The following SCN9A variants were observed in gnomAD, a reference collection of about 807,000 sequenced individuals.
SCN9A encodes sodium voltage-gated channel alpha subunit 9.
In SCN9A, 131 loss-of-function variants were observed where a neutral mutation model predicts 187.0. That is an observed-to-expected ratio of 0.70 (90% CI 0.61 to 0.81). The LOEUF is 0.81. SCN9A is among the 30% of genes least tolerant of loss of function. SCN9A has a pLI of 0.00. For missense variants in SCN9A, 2,252 were observed against 2,396.6 expected (o/e 0.94, Z 1.26); for synonymous variants, 809 against 808.6 (o/e 1.00, Z -0.01).
intron 1 of SCN9A, among the ~76,000 whole-genome samples, chr2:166,322,368 G>A (rs1054836733): frequency 6.6e-6 from 1 of 152,124 alleles, no homozygotes; most frequent in Admixed American, 6.5e-5. Context: ...GTGGCTCACA[G>A]GTCAATAATC....
chr2:166,216,625 T>C (rs1030012668), intron 24 of SCN9A, among the ~76,000 whole-genome samples: 2 of 151,978 alleles, frequency 1.3e-5, no homozygotes, highest in African/African-American at 2.4e-5. Context: ...AAATTAATCC[T>C]ATTTAAAACA....
rs1695505736 is a variant in SCN9A, at chr2:166,240,231, C to T, written c.3628-1964G>A. Reference sequence around the variant, plus strand: ...GAAAATCTAAAAGAAGATTCTGAAACACAATAAGTATAAGCTAAATGAGAG... The same window carrying T: ...GAAAATCTAAAAGAAGATTCTGAAATACAATAAGTATAAGCTAAATGAGAG... On this transcript the variant is annotated intron_variant, in intron 19 of 26. Transcript: ENST00000642356. 3.9e-5 allele frequency among the ~76,000 whole-genome samples: 6 copies of T among 152,236 alleles called. No individual in the cohort carries two copies. The South Asian group carries it at 1.2e-3, about 32-fold the overall frequency.
chr2:166,339,252 C>A (rs1309782506), intron 1 of SCN9A, among the ~76,000 whole-genome samples: 1 of 152,074 alleles, frequency 6.6e-6, no homozygotes, highest in Non-Finnish European at 1.5e-5. Flanking sequence ...CTTCGGAAAT[C>A]AAATTTAAAA....
At chr2:166,213,504 T>C (rs1694187842) in intron 24 of SCN9A, among the ~76,000 whole-genome samples, 1 of 149,114 alleles carries the variant, frequency 6.7e-6, no homozygotes, top group Non-Finnish European at 1.5e-5. Flanking sequence ...ATGATAATGA[T>C]AGTAACTCCC....
intron 20 of SCN9A, among the ~76,000 whole-genome samples, chr2:166,237,622 T>A (rs543065307): frequency 2.0e-5 from 3 of 152,282 alleles, no homozygotes; most frequent in Admixed American, 2.0e-4. Context: ...ATTTGTATAA[T>A]GATTTTTAGA....
intron 1 of SCN9A, among the ~76,000 whole-genome samples, chr2:166,336,257 C>T (rs1025654826): frequency 1.3e-5 from 2 of 152,074 alleles, no homozygotes; most frequent in Non-Finnish European, 2.9e-5. Flanking sequence ...GCGATTTAAT[C>T]ACCAATTACT....
intron 1 of SCN9A, among the ~76,000 whole-genome samples, chr2:166,355,736 G>A (rs550901951): frequency 6.6e-6 from 1 of 151,986 alleles, no homozygotes; most frequent in Admixed American, 6.6e-5. Flanking sequence ...CCCATTGGGA[G>A]GGCAGTTTTA....
chr2:166,268,634 T>C (rs566775791), intron 17 of SCN9A, among the ~76,000 whole-genome samples: 11 of 151,914 alleles, frequency 7.2e-5, no homozygotes, highest in Non-Finnish European at 1.0e-4. Context: ...GAATTTAAAC[T>C]GGAAACATTT....
intron 1 of SCN9A, among the ~76,000 whole-genome samples, chr2:166,375,180 C>T (rs1301329639): frequency 6.6e-6 from 1 of 152,118 alleles, no homozygotes; most frequent in African/African-American, 2.4e-5. Flanking sequence ...GCAGAGCTGT[C>T]CTGTCAATTA....
chr2:166,304,191 A>T, intron 6 of SCN9A, 47 bp downstream of exon 6: 1 of 1,607,998 alleles, frequency 6.2e-7, no homozygotes, highest in Non-Finnish European at 8.5e-7. Context: ...ACTCCCAAAT[A>T]GTTGGAGTTA....
At chr2:166,292,868 T>C (rs904650036) in intron 9 of SCN9A, among the ~76,000 whole-genome samples, 3 of 152,144 alleles carry the variant, frequency 2.0e-5, no homozygotes, top group Non-Finnish European at 4.4e-5. Flanking sequence ...CAGGTGAACA[T>C]CAGAGAGCCT....
intron 1 of SCN9A, among the ~76,000 whole-genome samples, chr2:166,318,874 A>T (rs1438026799): frequency 6.6e-6 from 1 of 152,168 alleles, no homozygotes; most frequent in Non-Finnish European, 1.5e-5. Flanking sequence ...AATTTTAAAA[A>T]TTAAAAAAGT....
chr2:166,253,558 T>G (rs1377716978), intron 17 of SCN9A, among the ~76,000 whole-genome samples: 1 of 151,842 alleles, frequency 6.6e-6, no homozygotes, highest in Non-Finnish European at 1.5e-5. Context: ...TACAGATTAA[T>G]CCAGGAAACG....
intron 1 of SCN9A, among the ~76,000 whole-genome samples, chr2:166,327,366 A>G (rs186771296): frequency 1.7e-4 from 26 of 152,264 alleles, no homozygotes; most frequent in African/African-American, 6.3e-4. Context: ...CATGTTGCCC[A>G]GGCTCGTCTT....
Position 166,305,710 on chromosome 2 carries a change from C to T in SCN9A, c.596+82G>A, listed in dbSNP as rs1410738921. ...ACATTCCATGCTGGAAAAATCAGAC[C>T]CCAGAGGTTTGCTGTTATTGGAACA... is the stretch of plus-strand genomic sequence containing the variant. On this transcript the variant is annotated intron_variant, in intron 5 of 26. Coordinates refer to ENST00000642356, the MANE Select transcript of SCN9A (RefSeq NM_001365536.1). 8 of 1,568,162 alleles carry T rather than the reference C, an allele frequency of 5.1e-6. No individual in the cohort carries two copies. In the East Asian group the frequency reaches 1.4e-4, roughly 27 times the overall value.
chr2:166,298,147 C>A (rs2106513185), intron 7 of SCN9A, among the ~76,000 whole-genome samples: 1 of 152,300 alleles, frequency 6.6e-6, no homozygotes, highest in Non-Finnish European at 1.5e-5. Flanking sequence ...TGATACTCTA[C>A]ACTCTGGCAA....
chr2:166,364,194 G>T (rs934933536), intron 1 of SCN9A, among the ~76,000 whole-genome samples: 2 of 151,504 alleles, frequency 1.3e-5, no homozygotes, highest in African/African-American at 4.9e-5. Context: ...CATTGACAAG[G>T]GTGTGGAGAA....
intron 6 of SCN9A, among the ~76,000 whole-genome samples, chr2:166,303,829 G>T (rs1218509500): frequency 6.6e-6 from 1 of 152,174 alleles, no homozygotes; most frequent in Non-Finnish European, 1.5e-5. Context: ...CAGGAGGGAA[G>T]ATTTCAAGTT....
Position 166,199,391 on chromosome 2 carries a change from C to G in SCN9A, c.5248G>C (p.Val1750Leu). 6.2e-7 allele frequency: 1 copy of G among 1,614,156 alleles called. No individual in the cohort carries two copies. The highest frequency in any genetic ancestry group is 8.5e-7 in the Non-Finnish European group (1 of 1,180,020). ...FVSYIIISFL[V>L]VVNMYIAVIL... ...ACTGCAATGTACATGTTCACCACAA[C>G]CAGGAAGGATATGATGATATAACTA... Residue 1750 changes from valine (V) to leucine (L), a missense_variant, in exon 27 of 27, where the codon GTT becomes CTT. Physicochemically the swap from Val to Leu is conservative, Grantham distance 32. This residue lies in a region of SCN9A where 345 missense variants were observed against 344.6 expected (regional missense o/e 1.00). Transcript: ENST00000642356.
Sources: gnomAD v4.1 joint callset for allele counts (sites outside exome capture counted in the v4.1 genomes callset) on GRCh38, gnomAD v4.1.1 for gene constraint, gnomAD v4.1.1 regional missense constraint, MANE v1.5 for transcripts, NCBI Gene and HGNC (gene_info 2026-07-23, HGNC 2026-07-21) for gene names.